Variants in ATP13A3 observed in about 807,000 individuals in gnomAD.
ATP13A3 encodes polyamine-transporting ATPase 13A3.
In ATP13A3, 59 loss-of-function variants were observed where a neutral mutation model predicts 158.1. The observed-to-expected ratio is 0.37, with a 90% CI of 0.30 to 0.46. ATP13A3 has a LOEUF of 0.46. Among genes scored for constraint, ATP13A3 ranks in the 20% least tolerant of loss-of-function variants. The probability of loss-of-function intolerance (pLI) is 1.00; values close to 1 mark genes in which losing one functional copy is unlikely to be tolerated. For synonymous variants in ATP13A3, 491 were observed against 504.3 expected, an observed-to-expected ratio of 0.97 and a Z score of 0.35; for missense variants, 1,166 against 1,525.2, an observed-to-expected ratio of 0.76 and a Z score of 3.92.
At chr3:194,477,552 C>CTAT (rs910059035) in intron 2 of ATP13A3, among the ~76,000 whole-genome samples, 9 of 152,232 alleles carry the variant, frequency 5.9e-5, no homozygotes, top group African/African-American at 2.2e-4. Flanking sequence ...CACCACAGCA[C>CTAT]TATGTTCTTC....
chr3:194,444,602 A>G (rs1486939418), intron 15 of ATP13A3, 123 bp downstream of exon 15: 4 of 745,414 alleles, frequency 5.4e-6, no homozygotes, highest in Non-Finnish European at 8.0e-6. Context: ...ATATGGCAAC[A>G]TGTCCACGGT....
At chr3:194,477,218 T>G (rs577014212) in intron 2 of ATP13A3, among the ~76,000 whole-genome samples, 3 of 152,242 alleles carry the variant, frequency 2.0e-5, no homozygotes, top group African/African-American at 7.2e-5. Flanking sequence ...GTCCCTTCCA[T>G]CTCCTAGCAG....
In ATP13A3 at chr3:194,457,191, T is replaced by G; in HGVS notation, c.480-17A>C. ...TCCAGTCCCCTAAATAAATCCAAAG[T>G]TTTTACTTTAAACAAAGTTTAAAAT... On this transcript the variant is annotated splice_polypyrimidine_tract_variant and intron_variant, in intron 6 of 33. Coordinates refer to ENST00000645319, the MANE Select transcript of ATP13A3 (RefSeq NM_001367549.1). 1 of 1,592,030 alleles carries G rather than the reference T, an allele frequency of 6.3e-7. No homozygotes were observed. The highest frequency in any genetic ancestry group is 8.6e-7 in the Non-Finnish European group (1 of 1,166,124).
At chr3:194,419,074 G>C (rs1716102991) in intron 31 of ATP13A3, among the ~76,000 whole-genome samples, 1 of 152,174 alleles carries the variant, frequency 6.6e-6, no homozygotes, top group African/African-American at 2.4e-5. Context: ...ACCAACAGAG[G>C]ATGGAGAAAT....
chr3:194,447,028 T>C lies in ATP13A3; in HGVS notation c.1396A>G (p.Ile466Val). The C allele has an allele frequency of 6.2e-7, 1 of 1,613,594 alleles. No homozygotes were observed. Among genetic ancestry groups the C allele is most frequent in the Non-Finnish European group, 8.5e-7 (1 of 1,179,738 alleles). ...PALPAAMTAG[I>V]VYAQRRLKKI... Reference sequence around the variant, plus strand: ...TTCAGTCTTCTCTGAGCATACACAATACCAGCAGTCATTGCAGCAGGAAGT... The same window carrying C: ...TTCAGTCTTCTCTGAGCATACACAACACCAGCAGTCATTGCAGCAGGAAGT... The change falls in exon 14 of 34, where the codon ATT (isoleucine) becomes GTT (valine). Residue 466 changes from isoleucine (I) to valine (V), a missense_variant. By Grantham distance (29) the Ile-to-Val change is conservative (BLOSUM62 3). Around this residue, in one of 3 missense-constraint regions of ATP13A3, gnomAD observed 997 missense variants for 1,341.2 expected, o/e 0.74. Transcript: ENST00000645319.
chr3:194,489,136 C>T (rs1721116222), upstream of ATP13A3, among the ~76,000 whole-genome samples: 1 of 152,228 alleles, frequency 6.6e-6, no homozygotes, highest in Non-Finnish European at 1.5e-5. The surrounding 1 kb of genome is among the most constrained non-coding windows in gnomAD (Gnocchi z 4.1). Flanking sequence ...ATTTCACCTC[C>T]TTAATAAGCC....
At chr3:194,429,533 A>C in intron 27 of ATP13A3, 145 bp downstream of exon 27, 1 of 478,032 alleles carries the variant, frequency 2.1e-6, no homozygotes, top group Non-Finnish European at 3.6e-6. Context: ...TGCTATTCAA[A>C]CTACAGTAAA....
At chr3:194,417,654 T>C (rs1040687893) in intron 31 of ATP13A3, among the ~76,000 whole-genome samples, 3 of 152,092 alleles carry the variant, frequency 2.0e-5, no homozygotes, top group African/African-American at 4.8e-5. Context: ...TATGGAAAAC[T>C]GTGGCCAGGC....
upstream of ATP13A3, among the ~76,000 whole-genome samples, chr3:194,489,006 G>A (rs563086266): frequency 2.0e-5 from 3 of 152,294 alleles, no homozygotes; most frequent in Admixed American, 2.0e-4. This position sits in a 1 kb window ranked among gnomAD's most constrained non-coding sequence, Gnocchi z 4.1. Flanking sequence ...TGCTTTCATA[G>A]CTGCCCCTCC....
At chr3:194,436,647 C>A (rs1386799981) in intron 20 of ATP13A3, among the ~76,000 whole-genome samples, 1 of 152,184 alleles carries the variant, frequency 6.6e-6, no homozygotes, top group East Asian at 1.9e-4. Flanking sequence ...AGGCCAGGAG[C>A]TCGAGGCCAG....
chr3:194,426,925 C>CT, intron 29 of ATP13A3, 150 bp downstream of exon 29: 1 of 727,388 alleles, frequency 1.4e-6, no homozygotes, highest in Non-Finnish European at 2.2e-6. Flanking sequence ...CTCAAGTGAT[C>CT]TACCTGCCTC....
chr3:194,482,652 T>A (rs1185308431), intron 2 of ATP13A3, among the ~76,000 whole-genome samples: 1 of 152,184 alleles, frequency 6.6e-6, no homozygotes. Flanking sequence ...GCTTCTTGCA[T>A]GCTATTTGAA....
intron 29 of ATP13A3, among the ~76,000 whole-genome samples, chr3:194,426,165 A>G (rs1716753730): frequency 6.6e-6 from 1 of 152,202 alleles, no homozygotes; most frequent in African/African-American, 2.4e-5. Flanking sequence ...AACTATGGGA[A>G]GATTCTCAAG....
Position 194,426,344 on chromosome 3 carries a change from C to T in ATP13A3, c.3125+731G>A, listed in dbSNP as rs946674120. 5.9e-5 allele frequency among the ~76,000 whole-genome samples: 9 copies of T among 152,214 alleles called. 1 individual carries two copies. The South Asian group carries it at 8.3e-4, about 14-fold the overall frequency. Reference sequence around the variant, plus strand: ...AAAATTTAATTCTACAAAATTAACACGTTTAATTAATTAAAATGTTATAAT... The same window carrying T: ...AAAATTTAATTCTACAAAATTAACATGTTTAATTAATTAAAATGTTATAAT... On this transcript the variant is annotated intron_variant, in intron 29 of 33. Transcript: ENST00000645319.
rs71179358 is a variant in ATP13A3 at position 194,409,693 on chromosome 3, ATTTTTTTT to A, written c.3573+2498_3573+2505del. Among the ~76,000 whole-genome samples the A allele has an allele frequency of 1.4e-4, 13 of 93,994 alleles. 1 individual carries two copies. Among genetic ancestry groups the A allele is most frequent in the South Asian group, 8.9e-4 (2 of 2,248 alleles). The allele number at this position is 93,994 out of a possible 152,430, so 61.7% of individuals were successfully genotyped here. On this transcript the variant is annotated intron_variant, in intron 33 of 33. Transcript: ENST00000645319. ...TGCTTGATAATCACTGACGTAAAGA[ATTTTTTTT>A]TTTTTTTTTTTTTTTTTTTGGTCAG...
At chr3:194,413,708 C>G in intron 32 of ATP13A3, 51 bp downstream of exon 32, 2 of 1,484,990 alleles carry the variant, frequency 1.3e-6, no homozygotes, top group Non-Finnish European at 1.9e-6. Context: ...CATTAAATCA[C>G]CCAAGAATTC....
intron 28 of ATP13A3, among the ~76,000 whole-genome samples, chr3:194,428,220 CAAAA>C (rs1188178641): frequency 3.5e-5 from 2 of 57,968 alleles, no homozygotes. Context: ...GACTCTGTCT[CAAAA>C]AAAAAAAAAA....
rs577571084 is a variant in ATP13A3 at position 194,483,160 on chromosome 3, C to CG, written c.-47+2633dup. 1.0e-3 allele frequency among the ~76,000 whole-genome samples: 156 copies of CG among 151,776 alleles called. 6 individuals carry two copies. In the South Asian group the frequency reaches 0.03, roughly 29 times the overall value. ...TTAGCCAGACATGATGGCACACACCCGTTGTCCCAACTACCCTTGTTGCTG... is the reference window on the plus strand; with the variant it reads ...TTAGCCAGACATGATGGCACACACCCGGTTGTCCCAACTACCCTTGTTGCTG... On this transcript the variant is annotated intron_variant, in intron 2 of 33. Transcript: ENST00000645319.
intron 20 of ATP13A3, among the ~76,000 whole-genome samples, chr3:194,436,693 TA>T (rs1197097209): frequency 6.6e-6 from 1 of 152,094 alleles, no homozygotes; most frequent in Non-Finnish European, 1.5e-5. Context: ...ACTAAAAATA[TA>T]AAAATTAGTC....
Sources: gnomAD v4.1 joint callset for allele counts (sites outside exome capture counted in the v4.1 genomes callset) on GRCh38, gnomAD v4.1.1 for gene constraint, gnomAD v4.1.1 regional missense constraint, Gnocchi (gnomAD v3.1) non-coding constraint, MANE v1.5 for transcripts, NCBI Gene and HGNC (gene_info 2026-07-23, HGNC 2026-07-21) for gene names.